GABRA3: variants seen among roughly 807,000 people sequenced by gnomAD.
GABRA3 encodes gamma-aminobutyric acid type A receptor subunit alpha3.
GABRA3 carries 10 observed loss-of-function variants against 30.1 expected under a neutral mutation model. That is an observed-to-expected ratio of 0.33 (90% CI 0.20 to 0.56). GABRA3 has a LOEUF of 0.56. Ranked by LOEUF, GABRA3 falls within the 20% of genes least tolerant of loss-of-function variation. GABRA3 has a pLI of 0.89. For missense variants in GABRA3, 233 were observed against 392.0 expected (o/e 0.59, Z 3.42); for synonymous variants, 151 against 146.8 (o/e 1.03, Z -0.21).
chrX:152,370,422 T>A (rs973956186), intron 1 of GABRA3, among the ~76,000 whole-genome samples: 52 of 111,772 alleles, frequency 4.7e-4, no homozygotes, highest in African/African-American at 1.7e-3. Flanking sequence ...TCATTTAAGG[T>A]CATCTAATTC....
At chrX:152,385,355 T>C (rs1419585100) in intron 1 of GABRA3, among the ~76,000 whole-genome samples, 1 of 111,859 alleles carries the variant, frequency 8.9e-6, no homozygotes, top group East Asian at 2.8e-4. Flanking sequence ...CTGGAAACAA[T>C]CTGAAGGTCT....
intron 4 of GABRA3, among the ~76,000 whole-genome samples, chrX:152,258,383 A>G (rs748469728): frequency 8.9e-6 from 1 of 111,808 alleles, no homozygotes; most frequent in African/African-American, 3.2e-5. Context: ...CACATTTAAG[A>G]CATATAACTG....
At chrX:152,229,515 A>G (rs1938026648) in intron 5 of GABRA3, among the ~76,000 whole-genome samples, 1 of 110,714 alleles carries the variant, frequency 9.0e-6, no homozygotes, top group Admixed American at 9.8e-5. Flanking sequence ...AACAATCTGA[A>G]GCAGATGAGA....
intron 2 of GABRA3, among the ~76,000 whole-genome samples, chrX:152,359,197 C>T (rs183937082): frequency 3.3e-4 from 37 of 111,075 alleles, no homozygotes; most frequent in Admixed American, 1.9e-3. Flanking sequence ...TAGACTTTTT[C>T]GGATTGGTAG....
chrX:152,219,511 T>G (rs1937791491), intron 6 of GABRA3, among the ~76,000 whole-genome samples: 1 of 111,532 alleles, frequency 9.0e-6, no homozygotes. Context: ...CTTGTAAGAA[T>G]TAAAGCTTAA....
chrX:152,233,009 C>T (rs913842115), intron 5 of GABRA3, among the ~76,000 whole-genome samples: 2 of 110,746 alleles, frequency 1.8e-5, no homozygotes, highest in Non-Finnish European at 3.8e-5. Flanking sequence ...ATTTTAATAA[C>T]AGCCATTCTG....
At chrX:152,256,925 G>C (rs977944472) in intron 4 of GABRA3, among the ~76,000 whole-genome samples, 4 of 111,375 alleles carry the variant, frequency 3.6e-5, no homozygotes, top group Non-Finnish European at 5.7e-5. Context: ...ACCCTTACTG[G>C]CTCAAGGTGG....
At chrX:152,301,718 G>C (rs1309884651) in intron 3 of GABRA3, among the ~76,000 whole-genome samples, 2 of 110,794 alleles carry the variant, frequency 1.8e-5, no homozygotes, top group African/African-American at 6.6e-5. Context: ...CATTTTAGTA[G>C]AGACAGGGTT....
intron 9 of GABRA3, among the ~76,000 whole-genome samples, chrX:152,173,428 T>G (rs2124326089): frequency 9.0e-6 from 1 of 110,888 alleles, no homozygotes; most frequent in African/African-American, 3.3e-5. Context: ...ATAGCAAAGA[T>G]TTAAACTAGA....
chrX:152,443,138 T>C (rs1022060053), intron 1 of GABRA3, among the ~76,000 whole-genome samples: 4 of 111,529 alleles, frequency 3.6e-5, no homozygotes, highest in African/African-American at 1.3e-4. Context: ...TAAACATACA[T>C]TGCCCATACA....
At chrX:152,189,377 C>G (rs1261496682) in intron 9 of GABRA3, among the ~76,000 whole-genome samples, 1 of 111,720 alleles carries the variant, frequency 9.0e-6, no homozygotes, top group African/African-American at 3.3e-5. Context: ...TTTGAATATA[C>G]TGGGAAGAGG....
At chrX:152,431,317 A>T (rs746542688) in intron 1 of GABRA3, among the ~76,000 whole-genome samples, 1 of 112,116 alleles carries the variant, frequency 8.9e-6, no homozygotes, top group Non-Finnish European at 1.9e-5. Flanking sequence ...GTAAAGAAAC[A>T]ATTTCAATAA....
chrX:152,293,527 T>G (rs1478397581), intron 3 of GABRA3, among the ~76,000 whole-genome samples: 1 of 111,577 alleles, frequency 9.0e-6, no homozygotes, highest in Non-Finnish European at 1.9e-5. Context: ...TCAGTCTGTG[T>G]CTTTTAATTG....
At chrX:152,417,325 A>T (rs754827872) in intron 1 of GABRA3, among the ~76,000 whole-genome samples, 1 of 104,342 alleles carries the variant, frequency 9.6e-6, no homozygotes, top group South Asian at 4.6e-4. Context: ...CCACAATGAG[A>T]TACCACCTCA....
intron 9 of GABRA3, among the ~76,000 whole-genome samples, chrX:152,184,042 C>A (rs1399354505): frequency 1.8e-5 from 2 of 109,422 alleles, no homozygotes; most frequent in Non-Finnish European, 3.8e-5. Context: ...ATTTATTTTC[C>A]TACTTCTCTA....
chrX:152,265,919 T>C (rs1938815247), intron 4 of GABRA3, among the ~76,000 whole-genome samples: 2 of 111,046 alleles, frequency 1.8e-5, no homozygotes, highest in African/African-American at 3.3e-5. Context: ...CATACAAACC[T>C]ACCAAGATTG....
intron 9 of GABRA3, among the ~76,000 whole-genome samples, chrX:152,174,871 C>A (rs1162490232): frequency 8.9e-6 from 1 of 111,936 alleles, no homozygotes; most frequent in Non-Finnish European, 1.9e-5. Context: ...TTGCCCATGC[C>A]TATGTCCTGA....
At position 152,357,564 on chromosome X, in the gene GABRA3, A is replaced by G. The variant is rs577592370; in HGVS notation, c.140+6867T>C. Among the ~76,000 whole-genome samples the G allele has an allele frequency of 6.9e-4, 77 of 111,367 alleles. No homozygotes were observed. The Middle Eastern group carries it at 0.014, about 20-fold the overall frequency. On this transcript the variant is annotated intron_variant, in intron 2 of 9. Transcript: ENST00000370314. ...GCACACCTTACAAATATTTTCTTCC[A>G]TTCTGTAGACTGTTTACTCCCTTGA...
At chrX:152,249,520 T>C (rs376597104) in intron 5 of GABRA3, among the ~76,000 whole-genome samples, 1 of 111,326 alleles carries the variant, frequency 9.0e-6, no homozygotes, top group Middle Eastern at 4.7e-3. Flanking sequence ...CTTAGCTAGG[T>C]ACCTCATCTT....
Sources: allele counts gnomAD v4.1 joint callset (sites outside exome capture counted in the v4.1 genomes callset), GRCh38; gene constraint gnomAD v4.1.1; transcripts MANE v1.5; gene names NCBI Gene and HGNC (gene_info 2026-07-23, HGNC 2026-07-21).